The following PISD variants were observed in gnomAD, a reference collection of about 807,000 sequenced individuals.
PISD encodes phosphatidylserine decarboxylase, also known as phosphatidylserine decarboxylase proenzyme, mitochondrial.
PISD carries 31 observed loss-of-function variants against 43.5 expected under a neutral mutation model. That is an observed-to-expected ratio of 0.71 (90% confidence interval 0.54 to 0.96). The LOEUF is 0.96. Among genes scored for constraint, PISD ranks in the 40% least tolerant of loss-of-function variants. The probability of loss-of-function intolerance (pLI) is 0.00; values close to 1 mark genes in which losing one functional copy is unlikely to be tolerated. For missense variants in PISD, 523 were observed against 548.4 expected (o/e 0.95, Z 0.46); for synonymous variants, 259 against 228.7 (o/e 1.13, Z -1.20).
chr22:31,651,951 T>C (rs1243776402), intron 1 of PISD, among the ~76,000 whole-genome samples: 1 of 152,162 alleles, frequency 6.6e-6, no homozygotes, highest in Non-Finnish European at 1.5e-5. Flanking sequence ...TTTCACCAAA[T>C]ACTGACCTGA....
chr22:31,620,786 A>G, intron 6 of PISD, 73 bp from the exon 7 acceptor site: 1 of 1,564,724 alleles, frequency 6.4e-7, no homozygotes, highest in South Asian at 1.1e-5. Context: ...CCAAGACCCA[A>G]AGGGACTCAT....
At chr22:31,653,879 G>A (rs893823570) in intron 1 of PISD, among the ~76,000 whole-genome samples, 7 of 152,196 alleles carry the variant, frequency 4.6e-5, no homozygotes, top group Non-Finnish European at 5.9e-5. Flanking sequence ...AGCTACTCAG[G>A]AGGCTGAGGC....
intron 3 of PISD, among the ~76,000 whole-genome samples, chr22:31,647,286 G>A (rs1158018323): frequency 1.3e-5 from 2 of 152,096 alleles, no homozygotes; most frequent in East Asian, 1.9e-4. Flanking sequence ...CAGCTACTGC[G>A]GAGCATGGTT....
chr22:31,652,603 T>G (rs962066222), intron 1 of PISD, among the ~76,000 whole-genome samples: 1 of 151,356 alleles, frequency 6.6e-6, no homozygotes, highest in African/African-American at 2.4e-5. Context: ...GGTCAGGAGT[T>G]CGAGACCAGC....
rs888071932 is a variant in PISD, at chr22:31,645,209, T to C, written c.321+2892A>G. Among the ~76,000 whole-genome samples the C allele has an allele frequency of 5.9e-5, 9 of 152,180 alleles. No individual in the cohort carries two copies. In the East Asian group the frequency reaches 7.8e-4, roughly 13 times the overall value. ...CCGCAGGCTATGTGTAGAAGGTATATCTAAAACATAAATGAGACCCCTGTT... is the reference window on the plus strand; with the variant it reads ...CCGCAGGCTATGTGTAGAAGGTATACCTAAAACATAAATGAGACCCCTGTT... On this transcript the variant is annotated intron_variant, in intron 3 of 7. Coordinates refer to ENST00000439502, the MANE Select transcript of PISD (RefSeq NM_001326411.2).
At chr22:31,631,094 C>G (rs1279333091) in intron 3 of PISD, among the ~76,000 whole-genome samples, 1 of 152,218 alleles carries the variant, frequency 6.6e-6, no homozygotes, top group Non-Finnish European at 1.5e-5. Flanking sequence ...GGACCCCACT[C>G]AACCAGCAAG....
intron 3 of PISD, chr22:31,625,894 C>T (rs2072883846): frequency 6.5e-7 from 1 of 1,545,232 alleles, no homozygotes; most frequent in Non-Finnish European, 8.7e-7. Flanking sequence ...TCCCCCGAGC[C>T]AGCAGATCTC....
intron 3 of PISD, chr22:31,625,850 C>A: frequency 6.3e-7 from 1 of 1,577,908 alleles, no homozygotes; most frequent in Non-Finnish European, 8.6e-7. Flanking sequence ...GAGGCTCACT[C>A]GATCACTCCC....
Position 31,640,880 on chromosome 22 carries a change from G to GTTTTTTTTTTTTTTTTTTTTTTTT in PISD, c.321+7197_321+7220dup, listed in dbSNP as rs1214973570. On this transcript the variant is annotated intron_variant, in intron 3 of 7. Transcript: ENST00000439502. The stretch of plus-strand genomic sequence containing the variant: ...ACAGGCATGAGCCACCACACCCGGT[G>GTTTTTTTTTTTTTTTTTTTTTTTT]TTTTTTTTTTTTTTTTTTTTTTTTG... Among the ~76,000 whole-genome samples, 8 of 24,600 alleles carry GTTTTTTTTTTTTTTTTTTTTTTTT rather than the reference G, an allele frequency of 3.3e-4. 3 individuals are homozygous for GTTTTTTTTTTTTTTTTTTTTTTTT. Among genetic ancestry groups the GTTTTTTTTTTTTTTTTTTTTTTTT allele is most frequent in the African/African-American group, 5.4e-4 (3 of 5,542 alleles). 16.1% of individuals were successfully genotyped at this position (24,600 alleles called of 152,430 possible). A position where few individuals can be genotyped will look rare whatever the true frequency, so the allele number is the denominator to read the frequency against.
chr22:31,650,249 C>T (rs753303831), intron 2 of PISD, among the ~76,000 whole-genome samples: 12 of 152,020 alleles, frequency 7.9e-5, no homozygotes, highest in Non-Finnish European at 1.5e-4. Context: ...AGGCCAAGGT[C>T]GGCAGATCAC....
chr22:31,621,296 C>T, intron 5 of PISD, 38 bp downstream of exon 5: 1 of 1,612,796 alleles, frequency 6.2e-7, no homozygotes, highest in Non-Finnish European at 8.5e-7. Flanking sequence ...AGCCACACAG[C>T]AGCAGGGCTG....
At chr22:31,624,697 C>T (rs2072783343) in intron 3 of PISD, among the ~76,000 whole-genome samples, 1 of 147,316 alleles carries the variant, frequency 6.8e-6, no homozygotes, top group East Asian at 2.0e-4. Context: ...CAAGCCCCTC[C>T]TTTCAGCAAA....
intron 3 of PISD, among the ~76,000 whole-genome samples, chr22:31,626,595 G>C (rs181639221): frequency 3.3e-5 from 5 of 152,266 alleles, no homozygotes; most frequent in African/African-American, 9.6e-5. Flanking sequence ...TGTGCATGTG[G>C]GGAAAACCAG....
chr22:31,620,002 C>T (rs1170096991), intron 7 of PISD, among the ~76,000 whole-genome samples, 166 bp from the exon 8 acceptor site: 1 of 152,202 alleles, frequency 6.6e-6, no homozygotes, highest in South Asian at 2.1e-4. Context: ...TGGGCCTGCT[C>T]TAGCCAGATC....
rs532539352 is a variant in PISD, at chr22:31,638,925, G to A, written c.321+9176C>T. Among the ~76,000 whole-genome samples, 3 of 149,502 alleles carry A rather than the reference G, an allele frequency of 2.0e-5. No individual in the cohort carries two copies. In the East Asian group the frequency reaches 6.0e-4, roughly 30 times the overall value. ...GAGGATCACCTGAGCCTGGGAGGTC[G>A]AGGCCGTGGTGAGCCCTGCTCACAC... On this transcript the variant is annotated intron_variant, in intron 3 of 7. Coordinates refer to ENST00000439502, the MANE Select transcript of PISD (RefSeq NM_001326411.2).
At chr22:31,641,594 C>T (rs2147760544) in intron 3 of PISD, among the ~76,000 whole-genome samples, 1 of 151,708 alleles carries the variant, frequency 6.6e-6, no homozygotes, top group East Asian at 1.9e-4. Context: ...GTGGGCAGAT[C>T]ACCTGAGGTC....
chr22:31,649,993 C>A (rs12167027), intron 2 of PISD, among the ~76,000 whole-genome samples: 1,695 of 152,274 alleles, frequency 0.011, 14 homozygotes, highest in Non-Finnish European at 0.018. Context: ...AAGGAAGCAA[C>A]CCTGACACCT....
intron 3 of PISD, among the ~76,000 whole-genome samples, chr22:31,631,958 G>C (rs1342835020): frequency 1.3e-5 from 2 of 152,266 alleles, no homozygotes; most frequent in South Asian, 2.1e-4. Context: ...TGTGATCCTA[G>C]CACTTTGGGA....
chr22:31,626,221 T>C (rs2072900590), intron 3 of PISD: 1 of 235,282 alleles, frequency 4.3e-6, no homozygotes, highest in Non-Finnish European at 7.8e-6. Context: ...GGCAAGGCCC[T>C]AGGGCTGCCC....
Sources: allele counts gnomAD v4.1 joint callset (sites outside exome capture counted in the v4.1 genomes callset), GRCh38; gene constraint gnomAD v4.1.1; transcripts MANE v1.5; gene names NCBI Gene and HGNC (gene_info 2026-07-23, HGNC 2026-07-21).